CA10: variants seen among roughly 807,000 people sequenced by gnomAD.
CA10 encodes carbonic anhydrase-related protein 10.
CA10 carries 14 observed loss-of-function variants against 44.2 expected under a neutral mutation model. The observed-to-expected ratio is 0.32, with a 90% CI of 0.21 to 0.50. CA10 has a LOEUF of 0.50. CA10 is among the 20% of genes least tolerant of loss of function. The pLI, the probability that CA10 is intolerant of heterozygous loss-of-function variation, is 0.99. For missense variants in CA10, 350 were observed against 409.7 expected (o/e 0.85, Z 1.26); for synonymous variants, 159 against 141.6 (o/e 1.12, Z -0.87).
At chr17:51,851,895 G>A (rs898283968) in intron 3 of CA10, among the ~76,000 whole-genome samples, 3 of 152,162 alleles carry the variant, frequency 2.0e-5, no homozygotes, top group African/African-American at 7.2e-5. Context: ...TTCAGATTTT[G>A]CTAAACTTTC....
At chr17:51,718,819 G>A (rs1274700196) in intron 4 of CA10, among the ~76,000 whole-genome samples, 1 of 152,126 alleles carries the variant, frequency 6.6e-6, no homozygotes, top group Non-Finnish European at 1.5e-5. Flanking sequence ...GTTGACCGTG[G>A]GAAGAAATCC....
intron 4 of CA10, among the ~76,000 whole-genome samples, chr17:51,690,329 C>T (rs1268622767): frequency 6.6e-6 from 1 of 152,192 alleles, no homozygotes; most frequent in Non-Finnish European, 1.5e-5. Context: ...TGAAATTATT[C>T]TAACTACAAT....
chr17:51,874,407 CA>C (rs1979958775), intron 3 of CA10, among the ~76,000 whole-genome samples: 1 of 128,154 alleles, frequency 7.8e-6, no homozygotes, highest in Admixed American at 8.2e-5. Context: ...AAAAAAAAAA[CA>C]AAAACTGAAA....
intron 3 of CA10, among the ~76,000 whole-genome samples, chr17:51,809,220 C>T (rs1879628744): frequency 1.3e-5 from 2 of 152,164 alleles, no homozygotes; most frequent in African/African-American, 4.8e-5. Context: ...TCAGTTTTCT[C>T]ATAAACACTC....
intron 2 of CA10, among the ~76,000 whole-genome samples, chr17:52,042,561 A>G (rs1474220510): frequency 6.6e-6 from 1 of 151,858 alleles, no homozygotes; most frequent in Non-Finnish European, 1.5e-5. Context: ...TTGCCTTTTC[A>G]TCTTGATTTT....
intron 4 of CA10, among the ~76,000 whole-genome samples, chr17:51,718,921 T>C (rs1250270504): frequency 1.3e-5 from 2 of 152,190 alleles, no homozygotes; most frequent in African/African-American, 2.4e-5. Context: ...TCTCCATATC[T>C]CATACTACTG....
intron 3 of CA10, among the ~76,000 whole-genome samples, chr17:51,866,553 A>G (rs1979554573): frequency 6.6e-6 from 1 of 152,224 alleles, no homozygotes; most frequent in Non-Finnish European, 1.5e-5. Flanking sequence ...AGCTGATGCT[A>G]AGACCTCTGC....
chr17:51,885,991 A>G (rs1013252313), intron 3 of CA10, among the ~76,000 whole-genome samples: 2 of 152,254 alleles, frequency 1.3e-5, no homozygotes, highest in Non-Finnish European at 2.9e-5. Flanking sequence ...TACAATAAAC[A>G]AAAGCCTTCG....
chr17:51,777,089 A>T (rs1210269275), intron 3 of CA10, among the ~76,000 whole-genome samples: 1 of 152,234 alleles, frequency 6.6e-6, no homozygotes, highest in Non-Finnish European at 1.5e-5. Flanking sequence ...GAACAAAATG[A>T]GAGGAAAAAA....
intron 3 of CA10, among the ~76,000 whole-genome samples, chr17:51,889,631 T>A (rs1219097886): frequency 6.6e-6 from 1 of 152,152 alleles, no homozygotes. Flanking sequence ...CTGGGAAGCA[T>A]GGTTCATTGG....
intron 3 of CA10, chr17:51,763,428 G>A (rs976084573): frequency 6.6e-6 from 1 of 152,182 alleles, no homozygotes; most frequent in African/African-American, 2.4e-5. Flanking sequence ...TTGTACAATT[G>A]ATCCAGCTAA....
At chr17:51,702,734 C>G (rs1915643300) in intron 4 of CA10, among the ~76,000 whole-genome samples, 1 of 152,150 alleles carries the variant, frequency 6.6e-6, no homozygotes, top group Non-Finnish European at 1.5e-5. Flanking sequence ...CCCTTCTACT[C>G]TGGTTCCTGC....
At chr17:51,694,681 G>GT (rs1915340812) in intron 4 of CA10, among the ~76,000 whole-genome samples, 1 of 151,912 alleles carries the variant, frequency 6.6e-6, no homozygotes, top group African/African-American at 2.4e-5. Flanking sequence ...GTCAATTTTT[G>GT]TTTTTGTTGC....
chr17:51,693,664 T>A (rs1212031760), intron 4 of CA10, among the ~76,000 whole-genome samples: 5 of 152,132 alleles, frequency 3.3e-5, no homozygotes, highest in Non-Finnish European at 7.4e-5. Context: ...CCTGCAAAAA[T>A]CATGATTTCA....
chr17:51,667,823 C>G (rs997236569), intron 4 of CA10, among the ~76,000 whole-genome samples: 7 of 152,124 alleles, frequency 4.6e-5, no homozygotes, highest in African/African-American at 1.7e-4. Context: ...TCCTAAGCTT[C>G]CAAAATATGC....
chr17:51,712,844 G>T (rs1057077222), intron 4 of CA10, among the ~76,000 whole-genome samples: 2 of 152,184 alleles, frequency 1.3e-5, no homozygotes, highest in African/African-American at 4.8e-5. Flanking sequence ...TCTTTTGGGG[G>T]TTTGCCAAAA....
At chr17:52,063,480 G>A (rs1322109484) in intron 2 of CA10, among the ~76,000 whole-genome samples, 1 of 152,178 alleles carries the variant, frequency 6.6e-6, no homozygotes, top group African/African-American at 2.4e-5. Flanking sequence ...GTTGCAGGTG[G>A]GGTCTAATGA....
chr17:51,646,122 T>C (rs140702693), intron 6 of CA10, among the ~76,000 whole-genome samples: 1 of 152,276 alleles, frequency 6.6e-6, no homozygotes, highest in East Asian at 1.9e-4. Flanking sequence ...TGCTTATCAT[T>C]GAATGCTTGT....
chr17:52,047,859 C>T (rs1315688693), intron 2 of CA10, among the ~76,000 whole-genome samples: 1 of 151,716 alleles, frequency 6.6e-6, no homozygotes, highest in African/African-American at 2.4e-5. Context: ...TGCAAAATAA[C>T]TCTTTCCAAC....
Sources: allele counts gnomAD v4.1 joint callset (sites outside exome capture counted in the v4.1 genomes callset), GRCh38; gene constraint gnomAD v4.1.1; transcripts MANE v1.5; gene names NCBI Gene and HGNC (gene_info 2026-07-23, HGNC 2026-07-21).